STUM: variants seen among roughly 807,000 people sequenced by gnomAD.
The protein encoded by STUM is stum, mechanosensory transduction mediator homolog.
STUM carries 8 observed loss-of-function variants against 15.3 expected under a neutral mutation model. The observed-to-expected ratio is 0.52, with a 90% CI of 0.31 to 0.94. STUM has a LOEUF of 0.94. STUM is among the 40% of genes least tolerant of loss of function. The probability of loss-of-function intolerance (pLI) is 0.05; values close to 1 mark genes in which losing one functional copy is unlikely to be tolerated. For synonymous variants in STUM, 78 were observed against 88.7 expected (o/e 0.88, Z 0.68); for missense variants, 142 against 204.9 (o/e 0.69, Z 1.87).
In STUM at chr1:226,600,583, C is replaced by T. The variant is rs1273045250; in HGVS notation, c.383-83C>T. The T allele has an allele frequency of 2.0e-6, 3 of 1,536,718 alleles. No individual in the cohort carries two copies. The African/African-American group carries it at 4.1e-5, about 21-fold the overall frequency. On this transcript the variant is annotated intron_variant, in intron 2 of 3. Coordinates refer to ENST00000366788, the MANE Select transcript of STUM (RefSeq NM_001003665.4). This position sits in a 1 kb window ranked among gnomAD's most constrained non-coding sequence, Gnocchi z 5.2. ...CTTTGTTTCCTGTGCCAAGCGTTCC[C>T]TGTGGCTCTGTTTTCAGGCTGTGTT...
rs1668385385 is a variant in STUM, at chr1:226,607,768, T to C, written c.*5728T>C. 1 of 152,272 alleles carries C rather than the reference T, an allele frequency of 6.6e-6. No individual in the cohort carries two copies. Among genetic ancestry groups the C allele is most frequent in the South Asian group, 2.1e-4 (1 of 4,832 alleles). The allele number at this position is 152,272 out of a possible 1,614,324, so 9.4% of individuals were successfully genotyped here. On this transcript the variant is annotated 3_prime_UTR_variant, in exon 4 of 4. Transcript: ENST00000366788. ...TCGGCCCTCAAACCCTCTCCCTCTC[T>C]GCCTGAATTTGCCAAAATGCCAACC...
At chr1:226,592,981 T>TTTGA (rs1283160689) in intron 1 of STUM, among the ~76,000 whole-genome samples, 17 of 152,128 alleles carry the variant, frequency 1.1e-4, no homozygotes, top group Admixed American at 1.1e-3. Context: ...AGGTCAGAAG[T>TTTGA]TTGAGACCAG....
chr1:226,598,552 C>G (rs995696954), intron 2 of STUM, among the ~76,000 whole-genome samples: 3 of 152,210 alleles, frequency 2.0e-5, no homozygotes, highest in Non-Finnish European at 2.9e-5. Context: ...GAGGTTGGAA[C>G]CTTAGAGATA....
At chr1:226,558,735 C>G (rs1035401294) in intron 1 of STUM, among the ~76,000 whole-genome samples, 2 of 152,174 alleles carry the variant, frequency 1.3e-5, no homozygotes, top group Non-Finnish European at 2.9e-5. Flanking sequence ...TAGACTTTAC[C>G]TATAGTTATT....
At chr1:226,550,701 C>T (rs776584381) in intron 1 of STUM, among the ~76,000 whole-genome samples, 8 of 152,074 alleles carry the variant, frequency 5.3e-5, no homozygotes, top group Non-Finnish European at 1.0e-4. Flanking sequence ...CACTGCTGCA[C>T]GAGGAAACCA....
chr1:226,568,648 G>T (rs577069786), intron 1 of STUM, among the ~76,000 whole-genome samples: 2 of 152,384 alleles, frequency 1.3e-5, no homozygotes, highest in African/African-American at 4.8e-5. Flanking sequence ...CAGGTCTGGT[G>T]CCTGGCTGCC....
chr1:226,599,192 TG>T (rs1344879311), intron 2 of STUM, among the ~76,000 whole-genome samples: 2 of 152,062 alleles, frequency 1.3e-5, no homozygotes, highest in Non-Finnish European at 2.9e-5. Context: ...GAGATTTGGG[TG>T]GGGACACAGC....
At position 226,600,835 on chromosome 1, in the gene STUM, T is replaced by C. The variant is rs1342786143; in HGVS notation, c.391+161T>C. Among the ~76,000 whole-genome samples the C allele has an allele frequency of 1.3e-5, 2 of 151,886 alleles. No individual in the cohort carries two copies. The highest frequency in any genetic ancestry group is 4.8e-5 in the African/African-American group (2 of 41,302). On this transcript the variant is annotated intron_variant, in intron 3 of 3. Coordinates refer to ENST00000366788, the MANE Select transcript of STUM (RefSeq NM_001003665.4). The surrounding 1 kb of genome is among the most constrained non-coding windows in gnomAD (Gnocchi z 5.2). Reference sequence around the variant, plus strand: ...TTTTGGTTTGGAAAATGCTTAAACATAGACAAAAGTAGAGCCCCTAGTAAA... The same window carrying C: ...TTTTGGTTTGGAAAATGCTTAAACACAGACAAAAGTAGAGCCCCTAGTAAA...
intron 1 of STUM, among the ~76,000 whole-genome samples, chr1:226,563,518 C>T (rs550068131): frequency 4.6e-5 from 7 of 152,322 alleles, no homozygotes; most frequent in South Asian, 2.1e-4. Flanking sequence ...TCCAGGAGGC[C>T]GGGGTCATTG....
chr1:226,566,245 C>A (rs899890020), intron 1 of STUM, among the ~76,000 whole-genome samples: 5 of 152,202 alleles, frequency 3.3e-5, no homozygotes, highest in African/African-American at 1.2e-4. Flanking sequence ...TAAGTCTTTA[C>A]AAAAGACACC....
intron 1 of STUM, among the ~76,000 whole-genome samples, chr1:226,571,793 C>A (rs2102695379): frequency 6.6e-6 from 1 of 152,266 alleles, no homozygotes; most frequent in East Asian, 1.9e-4. Flanking sequence ...GCATGCACCA[C>A]CACCCTCAGC....
intron 2 of STUM, among the ~76,000 whole-genome samples, chr1:226,598,533 A>G (rs1668217524): frequency 1.3e-5 from 2 of 152,220 alleles, no homozygotes; most frequent in Non-Finnish European, 2.9e-5. Context: ...CTTAATACCC[A>G]GGAACGAAGA....
chr1:226,568,092 A>G (rs1667651740), intron 1 of STUM, among the ~76,000 whole-genome samples: 1 of 152,174 alleles, frequency 6.6e-6, no homozygotes, highest in African/African-American at 2.4e-5. Context: ...CACAAATCAG[A>G]AAAACTCAGA....
intron 1 of STUM, among the ~76,000 whole-genome samples, chr1:226,586,473 C>G (rs772550940): frequency 5.9e-5 from 9 of 152,146 alleles, no homozygotes; most frequent in Non-Finnish European, 1.0e-4. Flanking sequence ...GAGGTCCGGG[C>G]ATTAGCCTGC....
At chr1:226,574,547 G>T (rs1171772200) in intron 1 of STUM, among the ~76,000 whole-genome samples, 1 of 152,170 alleles carries the variant, frequency 6.6e-6, no homozygotes, top group Non-Finnish European at 1.5e-5. Flanking sequence ...CGCTTGGATC[G>T]GCCAGACCTG....
chr1:226,596,112 C>T lies in STUM; in HGVS notation c.203-690C>T, dbSNP rs148098972. Among the ~76,000 whole-genome samples the T allele has an allele frequency of 2.7e-3, 409 of 152,188 alleles. 5 individuals are homozygous for T. Among genetic ancestry groups the T allele is most frequent in the Non-Finnish European group, 2.7e-3 (181 of 67,996 alleles). ...TCTTAGACAAGGTGAAGAATGTGAC[C>T]GCACCCACCACGTTGCTTGGCACCT... On this transcript the variant is annotated intron_variant, in intron 1 of 3. Transcript: ENST00000366788.
At chr1:226,597,924 C>T (rs1358162873) in intron 2 of STUM, among the ~76,000 whole-genome samples, 2 of 152,224 alleles carry the variant, frequency 1.3e-5, no homozygotes, top group Admixed American at 1.3e-4. Context: ...AGGGGAACCC[C>T]AGGCTGGACC....
In STUM at chr1:226,549,570, GA is replaced by G. The variant is rs1315340855; in HGVS notation, c.202+467del. On this transcript the variant is annotated intron_variant, in intron 1 of 3. Transcript: ENST00000366788. This position sits in a 1 kb window ranked among gnomAD's most constrained non-coding sequence, Gnocchi z 6.8. ...GGGCGTCGAAGTCAGCTGAGCCGGG[GA>G]AAGAGGACGAGCCGGGCTAGATATA... Among the ~76,000 whole-genome samples, 1 of 152,220 alleles carries G rather than the reference GA, an allele frequency of 6.6e-6. No homozygotes were observed. The highest frequency in any genetic ancestry group is 1.5e-5 in the Non-Finnish European group (1 of 68,044).
chr1:226,567,279 C>T lies in STUM; in HGVS notation c.202+18173C>T, dbSNP rs542463179. The stretch of plus-strand genomic sequence containing the variant: ...CCTGGAGCTATCCAACGGGTGGTGA[C>T]GGCCCCGCGGGCTCTTTTCTCAAAC... On this transcript the variant is annotated intron_variant, in intron 1 of 3. Coordinates refer to ENST00000366788, the MANE Select transcript of STUM (RefSeq NM_001003665.4). The surrounding 1 kb of genome is among the most constrained non-coding windows in gnomAD (Gnocchi z 4.5). Among the ~76,000 whole-genome samples, 47 of 152,326 alleles carry T rather than the reference C, an allele frequency of 3.1e-4. No homozygotes were observed. In the Middle Eastern group the frequency reaches 0.01, roughly 33 times the overall value.
Sources: allele counts gnomAD v4.1 joint callset (sites outside exome capture counted in the v4.1 genomes callset), GRCh38; gene constraint gnomAD v4.1.1; non-coding constraint Gnocchi (gnomAD v3.1); transcripts MANE v1.5; gene names NCBI Gene and HGNC (gene_info 2026-07-23, HGNC 2026-07-21).